UGT1A8: variants seen among roughly 807,000 people sequenced by gnomAD.
The protein encoded by UGT1A8 is UDP glucuronosyltransferase family 1 member A8, also known as UDP-glucuronosyltransferase 1A8.
A neutral mutation model predicts 45.3 loss-of-function variants in UGT1A8; 39 were observed. The observed-to-expected ratio is 0.86, with a 90% CI of 0.67 to 1.12. The LOEUF is 1.12. UGT1A8 is among the 50% of genes most tolerant of loss of function. The pLI, the probability that UGT1A8 is intolerant of heterozygous loss-of-function variation, is 0.00. For missense variants in UGT1A8, 719 were observed against 664.9 expected (o/e 1.08, Z -0.90); for synonymous variants, 275 against 249.2 (o/e 1.10, Z -0.97).
intron 1 of UGT1A8, among the ~76,000 whole-genome samples, chr2:233,733,272 C>A (rs1167854143): frequency 6.6e-6 from 1 of 152,152 alleles, no homozygotes; most frequent in African/African-American, 2.4e-5. Context: ...TATTTGACTT[C>A]CTCTTTTCCT....
chr2:233,654,205 GA>G (rs1234942603), intron 1 of UGT1A8, among the ~76,000 whole-genome samples: 1 of 152,102 alleles, frequency 6.6e-6, no homozygotes, highest in Admixed American at 6.6e-5. Context: ...AGAAAAAAAG[GA>G]AAAAAACCTC....
chr2:233,690,315 G>T (rs2074985024), intron 1 of UGT1A8, among the ~76,000 whole-genome samples: 1 of 152,108 alleles, frequency 6.6e-6, no homozygotes, highest in Admixed American at 6.5e-5. Context: ...TTACTTATGG[G>T]TCGTAGGTCA....
chr2:233,727,755 T>C (rs79983684), intron 1 of UGT1A8, among the ~76,000 whole-genome samples: 5,633 of 152,308 alleles, frequency 0.037, 134 homozygotes, highest in Non-Finnish European at 0.057. Context: ...TGTGCTGCCC[T>C]TGAGCTGGGT....
At chr2:233,686,522 G>T (rs757832173) in intron 1 of UGT1A8, among the ~76,000 whole-genome samples, 1 of 152,052 alleles carries the variant, frequency 6.6e-6, no homozygotes, top group Non-Finnish European at 1.5e-5. Flanking sequence ...CTCCACCTGC[G>T]TTAGAACCTA....
intron 1 of UGT1A8, among the ~76,000 whole-genome samples, chr2:233,623,390 C>G (rs2073042914): frequency 6.6e-6 from 1 of 152,092 alleles, no homozygotes; most frequent in East Asian, 1.9e-4. Flanking sequence ...TTTGTGTCCT[C>G]TTTTATTTTG....
chr2:233,689,903 A>G (rs1559343888), intron 1 of UGT1A8: 1 of 456,734 alleles, frequency 2.2e-6, no homozygotes, highest in Non-Finnish European at 4.4e-6. Context: ...TCTCAGGGCC[A>G]GGTAGGTGCC....
At chr2:233,728,731 TG>T (rs1354171084) in intron 1 of UGT1A8, among the ~76,000 whole-genome samples, 1 of 152,164 alleles carries the variant, frequency 6.6e-6, no homozygotes, top group Non-Finnish European at 1.5e-5. Flanking sequence ...AGCATATGAC[TG>T]GGGGCTAGGG....
chr2:233,767,427 G>A (rs1439996149), intron 2 of UGT1A8, among the ~76,000 whole-genome samples: 1 of 152,164 alleles, frequency 6.6e-6, no homozygotes, highest in Non-Finnish European at 1.5e-5. Context: ...GTGTATTAGG[G>A]AGAATTTATT....
chr2:233,693,046 G>C lies in UGT1A8; in HGVS notation c.856-73988G>C, dbSNP rs1259258611. 1.9e-6 allele frequency: 3 copies of C among 1,614,028 alleles called. No individual in the cohort carries two copies. In the African/African-American group the frequency reaches 4.0e-5, roughly 22 times the overall value. ...GCTCATTTCAGAGAATTTCTGCAGG[G>C]GTTTTCTTCTTAGCACTTTGGGGCA... On this transcript the variant is annotated intron_variant, in intron 1 of 4. Coordinates refer to ENST00000373450, the MANE Select transcript of UGT1A8 (RefSeq NM_019076.5).
At chr2:233,717,997 G>T in intron 1 of UGT1A8, 2 of 419,518 alleles carry the variant, frequency 4.8e-6, no homozygotes, top group South Asian at 3.4e-5. Context: ...GACTGTGCAA[G>T]ATCTGAGGCC....
intron 1 of UGT1A8, chr2:233,690,718 A>G (rs2075004617): frequency 8.2e-7 from 1 of 1,217,746 alleles, no homozygotes; most frequent in Non-Finnish European, 1.0e-6. Flanking sequence ...ATTATGACGA[A>G]CAGACATGCC....
chr2:233,626,114 T>C (rs1372219040), intron 1 of UGT1A8, among the ~76,000 whole-genome samples: 4 of 151,952 alleles, frequency 2.6e-5, no homozygotes, highest in Admixed American at 6.6e-5. Flanking sequence ...TTGGTGTAAA[T>C]TTATGGAAAT....
chr2:233,758,463 T>A (rs1240923270), intron 1 of UGT1A8, among the ~76,000 whole-genome samples: 1 of 152,228 alleles, frequency 6.6e-6, no homozygotes, highest in Admixed American at 6.5e-5. Flanking sequence ...ATTATCACCC[T>A]TAAGGTTTAA....
intron 1 of UGT1A8, chr2:233,692,880 A>G: frequency 6.7e-7 from 1 of 1,501,604 alleles, no homozygotes; most frequent in Non-Finnish European, 8.8e-7. Flanking sequence ...GGTAAAATTC[A>G]GAGCAAGGGA....
intron 1 of UGT1A8, among the ~76,000 whole-genome samples, chr2:233,684,674 T>C (rs983041087): frequency 2.0e-5 from 3 of 152,100 alleles, no homozygotes; most frequent in African/African-American, 7.2e-5. Context: ...AATATACATA[T>C]GATAGGATTT....
At chr2:233,729,044 T>G (rs1356759266) in intron 1 of UGT1A8, 1 of 1,607,146 alleles carries the variant, frequency 6.2e-7, no homozygotes, top group East Asian at 2.2e-5. Context: ...AGTGGCTCAG[T>G]GACAAGGTAA....
At chr2:233,648,078 C>T (rs1204580932) in intron 1 of UGT1A8, 7 of 1,535,156 alleles carry the variant, frequency 4.6e-6, no homozygotes, top group African/African-American at 1.4e-5. Context: ...CAACCTTATA[C>T]ACCCTGGAGG....
intron 1 of UGT1A8, among the ~76,000 whole-genome samples, chr2:233,646,156 C>T (rs2073596034): frequency 1.3e-5 from 2 of 152,172 alleles, no homozygotes; most frequent in African/African-American, 4.8e-5. Context: ...TACTTTGGCT[C>T]CTTTTGGACA....
intron 1 of UGT1A8, chr2:233,722,133 T>G (rs1336404223): frequency 5.8e-6 from 1 of 172,564 alleles, no homozygotes; most frequent in Non-Finnish European, 1.2e-5. Flanking sequence ...TAGTAGAGTT[T>G]AAGACTCCTG....
Sources: allele counts gnomAD v4.1 joint callset (sites outside exome capture counted in the v4.1 genomes callset), GRCh38; gene constraint gnomAD v4.1.1; transcripts MANE v1.5; gene names NCBI Gene and HGNC (gene_info 2026-07-23, HGNC 2026-07-21).